Variants in ZNF704 observed in about 807,000 individuals in gnomAD.
ZNF704 encodes glucocorticoid induced gene 1.
A neutral mutation model predicts 44.7 loss-of-function variants in ZNF704; 10 were observed. The observed-to-expected ratio is 0.22, with a 90% CI of 0.14 to 0.38. The LOEUF (loss-of-function observed/expected upper bound fraction) is 0.38. Ranked by LOEUF, ZNF704 falls within the 10% of genes least tolerant of loss-of-function variation. ZNF704 has a pLI of 1.00. For missense variants in ZNF704, 390 were observed against 545.5 expected, an observed-to-expected ratio of 0.71 and a Z score of 2.84; for synonymous variants, 211 against 207.6, an observed-to-expected ratio of 1.02 and a Z score of -0.14.
intron 2 of ZNF704, among the ~76,000 whole-genome samples, chr8:80,698,203 A>G (rs1818755738): frequency 6.6e-6 from 1 of 152,204 alleles, no homozygotes; most frequent in Non-Finnish European, 1.5e-5. Flanking sequence ...GGAGAACTAG[A>G]CCTTAATCAA....
intron 2 of ZNF704, among the ~76,000 whole-genome samples, chr8:80,700,354 A>G (rs1288299189): frequency 6.6e-6 from 1 of 152,154 alleles, no homozygotes; most frequent in Non-Finnish European, 1.5e-5. Flanking sequence ...CAAAACCTCC[A>G]TTTATTAGTG....
rs567351091 is a variant in ZNF704 at position 80,872,379 on chromosome 8, T to C, written c.-22+2192A>G. Among the ~76,000 whole-genome samples the C allele has an allele frequency of 3.2e-3, 494 of 152,326 alleles. 5 individuals carry two copies. The highest frequency in any genetic ancestry group is 0.02 in the Middle Eastern group (6 of 294). ...CACATCTACTCTGGGGCTATTCTAA[T>C]TGCCGATGTTCAACATTTCTTTGGA... On this transcript the variant is annotated intron_variant, in intron 1 of 8. Coordinates refer to ENST00000327835, the MANE Select transcript of ZNF704 (RefSeq NM_001033723.3).
intron 4 of ZNF704, among the ~76,000 whole-genome samples, chr8:80,683,497 G>A (rs534193258): frequency 2.0e-5 from 3 of 152,212 alleles, no homozygotes; most frequent in East Asian, 1.9e-4. Flanking sequence ...TTCTCTCCAC[G>A]TTTTTCTCCT....
chr8:80,746,694 G>A (rs1031043902), intron 2 of ZNF704, among the ~76,000 whole-genome samples: 3 of 152,130 alleles, frequency 2.0e-5, no homozygotes, highest in East Asian at 3.8e-4. Flanking sequence ...AAATAATCAC[G>A]CAAATTCAGG....
chr8:80,804,944 A>G (rs1807965071), intron 2 of ZNF704, among the ~76,000 whole-genome samples: 1 of 152,170 alleles, frequency 6.6e-6, no homozygotes, highest in African/African-American at 2.4e-5. Context: ...GTGGTATACT[A>G]CTTGATTTTT....
At chr8:80,817,933 G>A (rs569095475) in intron 2 of ZNF704, among the ~76,000 whole-genome samples, 12 of 152,106 alleles carry the variant, frequency 7.9e-5, no homozygotes, top group South Asian at 2.1e-4. Context: ...TCATTCCACC[G>A]TAACCTCCAG....
intron 2 of ZNF704, among the ~76,000 whole-genome samples, chr8:80,705,260 T>C (rs1466263710): frequency 6.6e-6 from 1 of 152,122 alleles, no homozygotes; most frequent in Non-Finnish European, 1.5e-5. Flanking sequence ...TGAATTTATT[T>C]GGATAGTGTG....
chr8:80,662,165 A>G (rs1818112266), intron 6 of ZNF704, among the ~76,000 whole-genome samples: 2 of 152,204 alleles, frequency 1.3e-5, no homozygotes, highest in African/African-American at 4.8e-5. Context: ...AATAAAATAC[A>G]GTAAAAACAG....
At chr8:80,712,719 TA>T (rs534139561) in intron 2 of ZNF704, among the ~76,000 whole-genome samples, 18 of 142,558 alleles carry the variant, frequency 1.3e-4, no homozygotes, top group African/African-American at 3.6e-4. Context: ...AGGTAATGAA[TA>T]AAAAAAAAAG....
Position 80,764,532 on chromosome 8 carries a change from G to A in ZNF704, c.221+56842C>T, listed in dbSNP as rs575016000. Among the ~76,000 whole-genome samples, 25 of 152,270 alleles carry A rather than the reference G, an allele frequency of 1.6e-4. No homozygotes were observed. The South Asian group carries it at 4.4e-3, about 27-fold the overall frequency. ...TACAATTTGAGATGAGATTTGGATG[G>A]GGACAGAGAACTAAACCTTATTATA... On this transcript the variant is annotated intron_variant, in intron 2 of 8. Coordinates refer to ENST00000327835, the MANE Select transcript of ZNF704 (RefSeq NM_001033723.3).
chr8:80,660,280 G>A (rs1818078528), intron 6 of ZNF704, among the ~76,000 whole-genome samples: 12 of 152,076 alleles, frequency 7.9e-5, no homozygotes, highest in Admixed American at 7.9e-4. Flanking sequence ...AGACCAGCGA[G>A]GGCAACACAG....
intron 2 of ZNF704, among the ~76,000 whole-genome samples, chr8:80,781,450 C>A (rs984589973): frequency 2.0e-5 from 3 of 152,158 alleles, no homozygotes; most frequent in Non-Finnish European, 2.9e-5. Context: ...ATTTTCACGT[C>A]ATGAAATATT....
chr8:80,852,829 T>G (rs538347267), intron 1 of ZNF704, among the ~76,000 whole-genome samples: 1 of 152,148 alleles, frequency 6.6e-6, no homozygotes, highest in Non-Finnish European at 1.5e-5. Context: ...TAGAAAGAAA[T>G]AATAATATTT....
intron 4 of ZNF704, among the ~76,000 whole-genome samples, chr8:80,679,705 T>C (rs1818422608): frequency 6.6e-6 from 1 of 152,184 alleles, no homozygotes; most frequent in African/African-American, 2.4e-5. Flanking sequence ...CCACCATTGA[T>C]TGGGAACCAC....
At chr8:80,794,390 A>G (rs1310013876) in intron 2 of ZNF704, among the ~76,000 whole-genome samples, 1 of 152,208 alleles carries the variant, frequency 6.6e-6, no homozygotes, top group African/African-American at 2.4e-5. Context: ...GCAATTATTA[A>G]TAGCTCAGGT....
intron 2 of ZNF704, among the ~76,000 whole-genome samples, chr8:80,743,285 T>C (rs889130724): frequency 2.0e-5 from 3 of 151,746 alleles, no homozygotes; most frequent in Non-Finnish European, 4.4e-5. Flanking sequence ...AACACGTTCT[T>C]ATCAGTGCAA....
In ZNF704 at chr8:80,659,837, G is replaced by T; in HGVS notation, c.928-148C>A. 3 of 637,148 alleles carry T rather than the reference G, an allele frequency of 4.7e-6. No individual in the cohort carries two copies. In the South Asian group the frequency reaches 7.2e-5, roughly 15 times the overall value. The allele number at this position is 637,148 out of a possible 1,614,324, so 39.5% of individuals were successfully genotyped here. A position where few individuals can be genotyped will look rare whatever the true frequency, so the allele number is the denominator to read the frequency against. The stretch of plus-strand genomic sequence containing the variant: ...ATCTAATAGGAAGAGATTAAACAAG[G>T]TTAAAGGGAGTAGCCAGAAATAAAC... On this transcript the variant is annotated intron_variant, in intron 6 of 8. Transcript: ENST00000327835.
chr8:80,860,752 T>TG (rs924627304), intron 1 of ZNF704, among the ~76,000 whole-genome samples: 2 of 152,202 alleles, frequency 1.3e-5, no homozygotes, highest in African/African-American at 4.8e-5. Context: ...ACTGAATTCT[T>TG]GGGGCAACTC....
At chr8:80,790,628 G>A (rs995671138) in intron 2 of ZNF704, among the ~76,000 whole-genome samples, 3 of 152,154 alleles carry the variant, frequency 2.0e-5, no homozygotes, top group Non-Finnish European at 4.4e-5. Context: ...ACCCAGGGAG[G>A]AGTGCAAGAG....
Sources: allele counts gnomAD v4.1 joint callset (sites outside exome capture counted in the v4.1 genomes callset), GRCh38; gene constraint gnomAD v4.1.1; transcripts MANE v1.5; gene names NCBI Gene and HGNC (gene_info 2026-07-23, HGNC 2026-07-21).